Variants in HS6ST3 observed in about 807,000 individuals in gnomAD.
The protein encoded by HS6ST3 is heparan sulfate 6-O-sulfotransferase 3.
HS6ST3 carries 12 observed loss-of-function variants against 36.7 expected under a neutral mutation model. That is an observed-to-expected ratio of 0.33 (90% CI 0.21 to 0.53). HS6ST3 has a LOEUF of 0.53. Ranked by LOEUF, HS6ST3 falls within the 20% of genes least tolerant of loss-of-function variation. The probability of loss-of-function intolerance (pLI) is 0.95; values close to 1 mark genes in which losing one functional copy is unlikely to be tolerated. For synonymous variants in HS6ST3, 240 were observed against 257.5 expected (o/e 0.93, Z 0.65); for missense variants, 584 against 640.9 (o/e 0.91, Z 0.96).
At chr13:96,737,351 C>T (rs962655274) in intron 1 of HS6ST3, among the ~76,000 whole-genome samples, 35 of 152,040 alleles carry the variant, frequency 2.3e-4, no homozygotes, top group South Asian at 8.3e-4. Context: ...TTTGGCCGGG[C>T]GCGGTGGTTC....
At chr13:96,574,335 G>A (rs2056313088) in intron 1 of HS6ST3, 7 of 390,764 alleles carry the variant, frequency 1.8e-5, no homozygotes, top group Admixed American at 3.6e-5. Flanking sequence ...TCCTTGCTCA[G>A]GAAAGGTAGC....
intron 1 of HS6ST3, among the ~76,000 whole-genome samples, chr13:96,627,791 A>G (rs558014880): frequency 8.4e-4 from 128 of 152,014 alleles, no homozygotes; most frequent in African/African-American, 3.0e-3. Context: ...CATTTCACCT[A>G]TGATTTCAAG....
At chr13:96,297,406 T>A (rs2054860427) in intron 1 of HS6ST3, among the ~76,000 whole-genome samples, 1 of 152,150 alleles carries the variant, frequency 6.6e-6, no homozygotes, top group Non-Finnish European at 1.5e-5. Context: ...TTGCTTCTCC[T>A]ATCAAAGTAA....
chr13:96,596,590 G>C (rs1007593768), intron 1 of HS6ST3, among the ~76,000 whole-genome samples: 3 of 152,006 alleles, frequency 2.0e-5, no homozygotes, highest in African/African-American at 7.2e-5. Flanking sequence ...CAGTGTATAA[G>C]CTTTCCCTTT....
At chr13:96,580,335 C>T (rs2056337386) in intron 1 of HS6ST3, among the ~76,000 whole-genome samples, 1 of 151,084 alleles carries the variant, frequency 6.6e-6, no homozygotes, top group South Asian at 2.1e-4. Context: ...CTTCACTAAA[C>T]AACTCTGTAA....
At chr13:96,107,258 GGTC>G (rs2053846055) in intron 1 of HS6ST3, among the ~76,000 whole-genome samples, 1 of 152,146 alleles carries the variant, frequency 6.6e-6, no homozygotes, top group African/African-American at 2.4e-5. Flanking sequence ...AGGAGATAAT[GGTC>G]AAAGAAAAGG....
At chr13:96,622,985 C>T (rs180804809) in intron 1 of HS6ST3, among the ~76,000 whole-genome samples, 2 of 152,124 alleles carry the variant, frequency 1.3e-5, no homozygotes, top group African/African-American at 4.8e-5. Flanking sequence ...CTTTTTATGT[C>T]CTCAATCATT....
chr13:96,589,022 G>A (rs577840363), intron 1 of HS6ST3, among the ~76,000 whole-genome samples: 26 of 141,614 alleles, frequency 1.8e-4, no homozygotes, highest in Non-Finnish European at 3.4e-4. Flanking sequence ...CTGCACTCCA[G>A]CCTGGACAAT....
At chr13:96,133,447 G>T (rs7334576) in intron 1 of HS6ST3, among the ~76,000 whole-genome samples, 3,047 of 149,952 alleles carry the variant, frequency 0.02, 88 homozygotes, top group African/African-American at 0.069. Context: ...TTTTGAGATG[G>T]AGTCTCACTC....
chr13:96,738,022 A>T (rs1001617729), intron 1 of HS6ST3, among the ~76,000 whole-genome samples: 2 of 152,216 alleles, frequency 1.3e-5, no homozygotes, highest in Admixed American at 6.5e-5. Flanking sequence ...AGATCGTTAC[A>T]TTATTCACAA....
chr13:96,273,959 T>C (rs61966873), intron 1 of HS6ST3, among the ~76,000 whole-genome samples: 25 of 90,454 alleles, frequency 2.8e-4, no homozygotes, highest in East Asian at 2.0e-3. Flanking sequence ...CTTCCTTCCT[T>C]CCTCCCTCCC....
intron 1 of HS6ST3, among the ~76,000 whole-genome samples, chr13:96,555,088 T>C (rs9584381): frequency 5.3e-5 from 8 of 151,126 alleles, no homozygotes; most frequent in South Asian, 2.1e-4. Context: ...TCAATACATA[T>C]ATACATACAT....
intron 1 of HS6ST3, among the ~76,000 whole-genome samples, chr13:96,614,030 G>T (rs1195772491): frequency 6.6e-6 from 1 of 152,066 alleles, no homozygotes; most frequent in Non-Finnish European, 1.5e-5. Flanking sequence ...CGGGCGCGGT[G>T]GCTCACCCCT....
At chr13:96,669,598 T>G (rs2056676463) in intron 1 of HS6ST3, among the ~76,000 whole-genome samples, 1 of 152,158 alleles carries the variant, frequency 6.6e-6, no homozygotes, top group African/African-American at 2.4e-5. Flanking sequence ...TATGCATGGT[T>G]TGGTGGTTCT....
intron 1 of HS6ST3, among the ~76,000 whole-genome samples, chr13:96,629,157 C>G (rs890671028): frequency 6.6e-6 from 1 of 152,148 alleles, no homozygotes; most frequent in Non-Finnish European, 1.5e-5. Context: ...TTATCTTAAT[C>G]TTACTCTCAT....
At chr13:96,551,319 T>C (rs2056218654) in intron 1 of HS6ST3, among the ~76,000 whole-genome samples, 1 of 152,188 alleles carries the variant, frequency 6.6e-6, no homozygotes, top group Non-Finnish European at 1.5e-5. Context: ...CTATAGTTAA[T>C]GAACAGGCAG....
intron 1 of HS6ST3, among the ~76,000 whole-genome samples, chr13:96,211,176 T>A (rs2054397336): frequency 6.6e-6 from 1 of 152,200 alleles, no homozygotes; most frequent in East Asian, 1.9e-4. Context: ...AGGTGATACA[T>A]CTGCCTTGGG....
In HS6ST3 at chr13:96,146,163, T is replaced by C. The variant is rs549837636; in HGVS notation, c.707+54594T>C. ...CTCTTTTTTGGTTCCATATGAACTT[T>C]AAAGTAGTTTTTTTCCAATTCTGTT... is the stretch of plus-strand genomic sequence containing the variant. On this transcript the variant is annotated intron_variant, in intron 1 of 1. Coordinates refer to ENST00000376705, the MANE Select transcript of HS6ST3 (RefSeq NM_153456.4). Among the ~76,000 whole-genome samples, 486 of 152,330 alleles carry C rather than the reference T, an allele frequency of 3.2e-3. 2 individuals carry two copies. Among genetic ancestry groups the C allele is most frequent in the African/African-American group, 0.011 (477 of 41,574 alleles).
intron 1 of HS6ST3, among the ~76,000 whole-genome samples, chr13:96,701,517 G>A (rs1282912117): frequency 2.0e-5 from 3 of 152,022 alleles, no homozygotes; most frequent in African/African-American, 7.2e-5. Context: ...CAACACTGTG[G>A]AGTTCACAAA....
Sources: allele counts gnomAD v4.1 joint callset (sites outside exome capture counted in the v4.1 genomes callset), GRCh38; gene constraint gnomAD v4.1.1; transcripts MANE v1.5; gene names NCBI Gene and HGNC (gene_info 2026-07-23, HGNC 2026-07-21).